The following ZNF84 variants were observed in gnomAD, a reference collection of about 807,000 sequenced individuals.
The protein encoded by ZNF84 is zinc finger protein 84, also known as zinc finger protein HPF2.
ZNF84 carries 12 observed loss-of-function variants against 14.8 expected under a neutral mutation model. That is an observed-to-expected ratio of 0.81 (90% CI 0.52 to 1.31). The LOEUF is 1.31. ZNF84 is among the 50% of genes most tolerant of loss of function. The pLI, the probability that ZNF84 is intolerant of heterozygous loss-of-function variation, is 0.00. For missense variants in ZNF84, 859 were observed against 878.6 expected (o/e 0.98, Z 0.28); for synonymous variants, 347 against 291.1 (o/e 1.19, Z -1.96).
Position 133,059,012 on chromosome 12 carries a change from C to A in ZNF84, c.*80C>A. 7.2e-7 allele frequency: 1 copy of A among 1,384,998 alleles called. No individual in the cohort carries two copies. Among genetic ancestry groups the A allele is most frequent in the Non-Finnish European group, 9.8e-7 (1 of 1,025,036 alleles). 85.8% of individuals were successfully genotyped at this position (1,384,998 alleles called of 1,614,324 possible). ...TTATGATAACGTTTGTAGACAGTCA[C>A]GTCATGTTAGGTGTTTGTACTCCAT... On this transcript the variant is annotated 3_prime_UTR_variant, in exon 5 of 5. Coordinates refer to ENST00000539354, the MANE Select transcript of ZNF84 (RefSeq NM_001289971.2).
At chr12:133,046,963 A>G in intron 2 of ZNF84, among the ~76,000 whole-genome samples, 1 of 125,252 alleles carries the variant, frequency 8.0e-6, no homozygotes, top group East Asian at 2.6e-4. Flanking sequence ...TATATTATGT[A>G]TTATATTATT....
chr12:133,063,240 A>G lies in ZNF84; in HGVS notation c.*4308A>G. ...CCACCTCTGCCCTTTTCATGTCTTG[A>G]TTGTTGAATTCTTCTGTGAGATACT... On this transcript the variant is annotated 3_prime_UTR_variant, in exon 5 of 5. Coordinates refer to ENST00000539354, the MANE Select transcript of ZNF84 (RefSeq NM_001289971.2). 1 of 702,264 alleles carries G rather than the reference A, an allele frequency of 1.4e-6. No individual in the cohort carries two copies. Among genetic ancestry groups the G allele is most frequent in the Non-Finnish European group, 2.6e-6 (1 of 384,814 alleles). The allele number at this position is 702,264 out of a possible 1,614,324, so 43.5% of individuals were successfully genotyped here.
Position 133,060,764 on chromosome 12 carries a change from A to C in ZNF84, c.*1832A>C, listed in dbSNP as rs1428606448. On this transcript the variant is annotated 3_prime_UTR_variant, in exon 5 of 5. Transcript: ENST00000539354. ...GCATTATCCCCATGGAAAACTTCACATTGAGAACTTACCATTATATATTTC... is the reference window on the plus strand; with the variant it reads ...GCATTATCCCCATGGAAAACTTCACCTTGAGAACTTACCATTATATATTTC... 4 of 152,240 alleles carry C rather than the reference A, an allele frequency of 2.6e-5. No individual in the cohort carries two copies. The highest frequency in any genetic ancestry group is 6.5e-5 in the Admixed American group (1 of 15,286). The allele number at this position is 152,240 out of a possible 1,614,324, so 9.4% of individuals were successfully genotyped here.
intron 2 of ZNF84, among the ~76,000 whole-genome samples, chr12:133,046,854 ATATATGATATT>A (rs1953986940): frequency 7.1e-6 from 1 of 141,368 alleles, no homozygotes; most frequent in Non-Finnish European, 1.5e-5. Context: ...TATATTATAT[ATATATGATATT>A]TATATTATAT....
At chr12:133,043,302 C>A in intron 2 of ZNF84, among the ~76,000 whole-genome samples, 1 of 152,082 alleles carries the variant, frequency 6.6e-6, no homozygotes, top group Non-Finnish European at 1.5e-5. Context: ...GTAGCTGGGA[C>A]TACAGGCGCA....
At position 133,048,106 on chromosome 12, in the gene ZNF84, T is replaced by G. The variant is rs1267031459; in HGVS notation, c.142+25T>G. The stretch of plus-strand genomic sequence containing the variant: ...GGTAATAAAAGCTTTCTTGAGGACC[T>G]TGGACTATGCCCAATGCATTGCCTT... On this transcript the variant is annotated intron_variant, in intron 3 of 4. Transcript: ENST00000539354. 1.7e-5 allele frequency: 27 copies of G among 1,607,802 alleles called. No homozygotes were observed. The South Asian group carries it at 3.0e-4, about 18-fold the overall frequency.
chr12:133,057,516 G>T lies in ZNF84; in HGVS notation c.801G>T (p.Gln267His). The stretch of plus-strand genomic sequence containing the variant: ...GAGAAAAACCTTATAATTGTAGCCA[G>T]TGTGGGAAAGCCTTCTCCCAAAAGT... ...HTGEKPYNCS[Q>H]CGKAFSQKSQ... is the part of the protein sequence containing the mutation. The change falls in exon 5 of 5, where the codon CAG becomes CAT. Residue 267 changes from glutamine (Q) to histidine (H), a missense_variant. Gln to His is a conservative substitution (Grantham distance 24, BLOSUM62 0). Coordinates refer to ENST00000539354, the MANE Select transcript of ZNF84 (RefSeq NM_001289971.2). The T allele has an allele frequency of 6.2e-7, 1 of 1,614,128 alleles. No homozygotes were observed. The highest frequency in any genetic ancestry group is 8.5e-7 in the Non-Finnish European group (1 of 1,180,028).
rs866041525 is a variant in ZNF84 at position 133,057,301 on chromosome 12, A to G, written c.586A>G (p.Ile196Val). 5.0e-6 allele frequency: 8 copies of G among 1,613,326 alleles called. No homozygotes were observed. The highest frequency in any genetic ancestry group is 1.7e-5 in the Admixed American group (1 of 59,836). Reference protein sequence around the residue: ...KESYKKSQIIIYHRNRLGEKL... With the variant: ...KESYKKSQIIVYHRNRLGEKL... ...GAGCTATAAAAAGTCACAGATTATC[A>G]TATATCATAGAAATCGTTTAGGGGA... Residue 196 changes from isoleucine to valine, a missense_variant, in exon 5 of 5, where the codon ATA becomes GTA. Transcript: ENST00000539354.
intron 2 of ZNF84, among the ~76,000 whole-genome samples, chr12:133,043,376 G>A (rs1379823942): frequency 6.6e-6 from 1 of 152,108 alleles, no homozygotes; most frequent in African/African-American, 2.4e-5. Context: ...TGTTGCCCAG[G>A]CTGGTCGCGA....
In ZNF84 at chr12:133,058,468, C is replaced by G. The variant is rs1468303250; in HGVS notation, c.1753C>G (p.Gln585Glu). ...DCEKAFSQKS[Q>E]LNTHQRIHTG... ...TGAAAAAGCTTTCTCCCAGAAATCA[C>G]AGCTAAATACCCATCAGAGAATTCA... The change falls in exon 5 of 5, where the codon CAG becomes GAG. Residue 585 changes from glutamine to glutamate, a missense_variant. Gln to Glu is a conservative substitution (Grantham distance 29). Transcript: ENST00000539354. 5.6e-6 allele frequency: 9 copies of G among 1,613,902 alleles called. No individual in the cohort carries two copies. The highest frequency in any genetic ancestry group is 7.6e-6 in the Non-Finnish European group (9 of 1,180,016).
intron 1 of ZNF84, among the ~76,000 whole-genome samples, chr12:133,038,395 G>T (rs370682202): frequency 0.016 from 2,394 of 151,938 alleles, 54 homozygotes; most frequent in African/African-American, 0.054. Context: ...TCATTATTTT[G>T]TATTTCCAAA....
intron 4 of ZNF84, among the ~76,000 whole-genome samples, chr12:133,055,785 C>T (rs1275356968): frequency 2.0e-5 from 3 of 151,940 alleles, no homozygotes; most frequent in South Asian, 4.2e-4. Flanking sequence ...CTTTTGAGAC[C>T]TGCTAAAAGT....
chr12:133,047,867 T>A (rs1954008833), intron 2 of ZNF84, 88 bp from the exon 3 acceptor site: 2 of 1,466,012 alleles, frequency 1.4e-6, no homozygotes, highest in African/African-American at 2.8e-5. Flanking sequence ...TAACTTGTTA[T>A]GAGAATGAAG....
Position 133,058,462 on chromosome 12 carries a change from A to T in ZNF84, c.1747A>T (p.Lys583Ter), listed in dbSNP as rs1434170343. The T allele has an allele frequency of 6.2e-7, 1 of 1,614,058 alleles. No individual in the cohort carries two copies. Residue 583 changes from lysine (K) to a stop codon, truncating the protein, a stop_gained, in exon 5 of 5, where the codon AAA becomes TAA. Transcript: ENST00000539354. LOFTEE classifies it low-confidence loss of function (END_TRUNC). ...GGACTGTGAAAAAGCTTTCTCCCAGAAATCACAGCTAAATACCCATCAGAG... is the reference window on the plus strand; with the variant it reads ...GGACTGTGAAAAAGCTTTCTCCCAGTAATCACAGCTAAATACCCATCAGAG... ...CRDCEKAFSQ[K>*]SQLNTHQRIH...
rs1954208421 is a variant in ZNF84, at chr12:133,058,843, C to T, written c.2128C>T (p.Pro710Ser). The change falls in exon 5 of 5, where the codon CCT becomes TCT. Residue 710 changes from proline to serine, a missense_variant. Coordinates refer to ENST00000539354, the MANE Select transcript of ZNF84 (RefSeq NM_001289971.2). ...TCAGAGAATTCATACAGGAGAGAAG[C>T]CTTATCGATGCATTGAATGTGGGAA... Reference protein sequence around the residue: ...NHQRIHTGEKPYRCIECGKAF... With the variant: ...NHQRIHTGEKSYRCIECGKAF... 1.4e-5 allele frequency: 22 copies of T among 1,613,790 alleles called. No individual in the cohort carries two copies. In the South Asian group the frequency reaches 2.3e-4, roughly 17 times the overall value.
intron 4 of ZNF84, among the ~76,000 whole-genome samples, chr12:133,052,377 A>T (rs1954085873): frequency 6.6e-6 from 1 of 151,878 alleles, no homozygotes; most frequent in Non-Finnish European, 1.5e-5. Context: ...ACAGGGTCTC[A>T]CTCACCCCAC....
In ZNF84 at chr12:133,058,070, C is replaced by T; in HGVS notation, c.1355C>T (p.Thr452Ile). The T allele has an allele frequency of 6.2e-7, 1 of 1,613,648 alleles. No individual in the cohort carries two copies. Among genetic ancestry groups the T allele is most frequent in the Non-Finnish European group, 8.5e-7 (1 of 1,179,952 alleles). ...QKSHLISHQM[T>I]HTGEKPFICS... The stretch of plus-strand genomic sequence containing the variant: ...TCACATCTCATATCACATCAGATGA[C>T]ACACACAGGAGAAAAACCCTTTATA... Residue 452 changes from threonine to isoleucine, a missense_variant, in exon 5 of 5, where the codon ACA becomes ATA. Physicochemically the swap from Thr to Ile is moderately conservative, Grantham distance 89. Coordinates refer to ENST00000539354, the MANE Select transcript of ZNF84 (RefSeq NM_001289971.2).
In ZNF84 at chr12:133,059,118, G is replaced by A. The variant is rs1279703196; in HGVS notation, c.*186G>A. On this transcript the variant is annotated 3_prime_UTR_variant, in exon 5 of 5. Transcript: ENST00000539354. ...GTAGAGTGAACCTATGACTGCAGTGGATCTCAAAAACTTTTAAAACCATAG... is the reference window on the plus strand; with the variant it reads ...GTAGAGTGAACCTATGACTGCAGTGAATCTCAAAAACTTTTAAAACCATAG... 3.4e-6 allele frequency: 2 copies of A among 579,870 alleles called. No individual in the cohort carries two copies. Among genetic ancestry groups the A allele is most frequent in the East Asian group, 5.9e-5 (2 of 34,060 alleles). 35.9% of individuals were successfully genotyped at this position (579,870 alleles called of 1,614,324 possible).
At chr12:133,039,849 T>TG in intron 1 of ZNF84, among the ~76,000 whole-genome samples, 1 of 148,232 alleles carries the variant, frequency 6.7e-6, no homozygotes, top group South Asian at 2.2e-4. Context: ...ACTGTTGGTT[T>TG]GGATTTTTTT....
Sources: gnomAD v4.1 joint callset for allele counts (sites outside exome capture counted in the v4.1 genomes callset) on GRCh38, gnomAD v4.1.1 for gene constraint, MANE v1.5 for transcripts, NCBI Gene and HGNC (gene_info 2026-07-23, HGNC 2026-07-21) for gene names.